The following C8orf74 variants were observed in gnomAD, a reference collection of about 807,000 sequenced individuals.
The protein encoded by C8orf74 is uncharacterized protein C8orf74.
C8orf74 carries 29 observed loss-of-function variants against 22.2 expected under a neutral mutation model. That is an observed-to-expected ratio of 1.31 (90% CI 0.97 to 1.78). The LOEUF is 1.78. C8orf74 is among the 40% of genes most tolerant of loss of function. The pLI is 0.00. For synonymous variants in C8orf74, 255 were observed against 163.1 expected (o/e 1.56, Z -4.30); for missense variants, 515 against 369.9 (o/e 1.39, Z -3.22).
chr8:10,679,546 C>G (rs942992182), intron 2 of C8orf74, among the ~76,000 whole-genome samples: 1 of 152,206 alleles, frequency 6.6e-6, no homozygotes, highest in African/African-American at 2.4e-5. Context: ...ATCCTCCATT[C>G]TCTCCTGTGC....
At chr8:10,691,105 T>A (rs2129058157) in intron 2 of C8orf74, 2 of 364,500 alleles carry the variant, frequency 5.5e-6, no homozygotes, top group African/African-American at 2.1e-5. Context: ...TAAGCCGGCT[T>A]CCAACAAGCT....
chr8:10,676,993 G>T (rs145248141), intron 2 of C8orf74, among the ~76,000 whole-genome samples: 2 of 152,158 alleles, frequency 1.3e-5, no homozygotes, highest in African/African-American at 2.4e-5. Context: ...AGATTAGGGC[G>T]CTCTGGAGCT....
At chr8:10,676,502 C>A (rs1383364915) in intron 2 of C8orf74, among the ~76,000 whole-genome samples, 1 of 152,178 alleles carries the variant, frequency 6.6e-6, no homozygotes, top group Non-Finnish European at 1.5e-5. Flanking sequence ...CAGAATGTCC[C>A]ACGGCACCTC....
chr8:10,696,214 G>C (rs1799493923), intron 2 of C8orf74, among the ~76,000 whole-genome samples: 2 of 151,996 alleles, frequency 1.3e-5, no homozygotes, highest in African/African-American at 4.8e-5. Flanking sequence ...GCACCTGAAA[G>C]AGTCGTGAGC....
intron 2 of C8orf74, among the ~76,000 whole-genome samples, chr8:10,677,576 CCT>C (rs1799059578): frequency 6.6e-6 from 1 of 152,062 alleles, no homozygotes; most frequent in Non-Finnish European, 1.5e-5. Context: ...TACCACACCA[CCT>C]CTTTTTTTAT....
At chr8:10,674,911 G>T (rs1014475978) in intron 2 of C8orf74, 73 bp downstream of exon 2, 1 of 1,302,588 alleles carries the variant, frequency 7.7e-7, no homozygotes, top group Non-Finnish European at 1.1e-6. Context: ...CTCCCCTGCC[G>T]TCCACAGCCC....
chr8:10,693,194 A>G (rs1799420570), intron 2 of C8orf74, among the ~76,000 whole-genome samples: 1 of 152,274 alleles, frequency 6.6e-6, no homozygotes, highest in South Asian at 2.1e-4. Context: ...TCAGTCCCTC[A>G]GTGGGCCATG....
chr8:10,682,039 C>T (rs1049596406), intron 2 of C8orf74, among the ~76,000 whole-genome samples: 4 of 152,358 alleles, frequency 2.6e-5, no homozygotes, highest in African/African-American at 7.2e-5. Context: ...GCCATGCCCA[C>T]GGTCTGCCCG....
At chr8:10,674,591 T>A in intron 1 of C8orf74, 55 bp from the exon 2 acceptor site, 1 of 1,344,390 alleles carries the variant, frequency 7.4e-7, no homozygotes, top group Non-Finnish European at 9.9e-7. Flanking sequence ...AGCCCCTATA[T>A]CATGCCCTGC....
At chr8:10,699,708 C>A (rs1389606571) in intron 3 of C8orf74, among the ~76,000 whole-genome samples, 1 of 152,178 alleles carries the variant, frequency 6.6e-6, no homozygotes, top group African/African-American at 2.4e-5. Flanking sequence ...CTCTCTGAAG[C>A]AATTTCCCCT....
rs147047803 is a variant in C8orf74 at position 10,697,753 on chromosome 8, C to G, written c.396C>G (p.Asp132Glu). 4.1e-4 allele frequency: 663 copies of G among 1,614,078 alleles called. 4 individuals are homozygous for G. The African/African-American group carries it at 7.8e-3, about 19-fold the overall frequency. The change falls in exon 3 of 4, where the codon GAC becomes GAG. Residue 132 changes from aspartate to glutamate, a missense_variant. Transcript: ENST00000304519. The stretch of plus-strand genomic sequence containing the variant: ...TCTACCAGTATGTCCTGGGCCAGGA[C>G]CAGCAGGTCGACCTGACCGTTGCCC... Reference protein sequence around the residue: ...YKLYQYVLGQDQQVDLTVAHL... With the variant: ...YKLYQYVLGQEQQVDLTVAHL...
chr8:10,687,156 A>T, intron 2 of C8orf74: 2 of 456,206 alleles, frequency 4.4e-6, no homozygotes, highest in Non-Finnish European at 8.8e-6. Context: ...AATGACGGTG[A>T]CAATGGCATT....
chr8:10,682,943 G>A (rs1378791584), intron 2 of C8orf74, among the ~76,000 whole-genome samples: 2 of 152,264 alleles, frequency 1.3e-5, no homozygotes, highest in African/African-American at 4.8e-5. Flanking sequence ...AAGACACTGA[G>A]GTCTGGAGAG....
chr8:10,700,373 A>AAACCCCCCCC lies in C8orf74; in HGVS notation c.787_788insAACCCCCCCC (p.Thr263LysfsTer60). ...GAAGACTCTGAACCTCAACGCCCCC[A>AAACCCCCCCC]CCCCTATCCCGCCCCCCATCACCAG... On this transcript the variant is annotated frameshift_variant, in exon 4 of 4. Coordinates refer to ENST00000304519, the MANE Select transcript of C8orf74 (RefSeq NM_001040032.2). LOFTEE classifies it low-confidence loss of function (END_TRUNC). 1.3e-6 allele frequency: 1 copy of AAACCCCCCCC among 755,328 alleles called. No homozygotes were observed. The highest frequency in any genetic ancestry group is 2.1e-6 in the Non-Finnish European group (1 of 480,360). 46.8% of individuals were successfully genotyped at this position (755,328 alleles called of 1,614,324 possible).
chr8:10,700,324 C>T lies in C8orf74; in HGVS notation c.738C>T (p.Ala246=), dbSNP rs1052517891. 2 of 1,613,868 alleles carry T rather than the reference C, an allele frequency of 1.2e-6. No homozygotes were observed. The highest frequency in any genetic ancestry group is 1.7e-5 in the Admixed American group (1 of 60,016). ...AGCGCCAGATCCAGAACACATTCGCCATCTTGGACCTGAAGCTTCAGAAGA... is the reference window on the plus strand; with the variant it reads ...AGCGCCAGATCCAGAACACATTCGCTATCTTGGACCTGAAGCTTCAGAAGA... ...LLQRQIQNTF[A]ILDLKLQKKT... Residue 246 remains alanine, a synonymous_variant, in exon 4 of 4, where the codon GCC becomes GCT. Transcript: ENST00000304519.
At chr8:10,700,165 G>C in intron 3 of C8orf74, 70 bp from the exon 4 acceptor site, 1 of 984,696 alleles carries the variant, frequency 1.0e-6, no homozygotes, top group Non-Finnish European at 1.5e-6. Context: ...CCTGCAACAG[G>C]GGCTGAGTTG....
chr8:10,672,920 C>T (rs1156855855), intron 1 of C8orf74, among the ~76,000 whole-genome samples: 1 of 152,116 alleles, frequency 6.6e-6, no homozygotes, highest in African/African-American at 2.4e-5. Flanking sequence ...TTTTTCAAGC[C>T]ACATGCAGGC....
chr8:10,682,768 T>C (rs1799178862), intron 2 of C8orf74, among the ~76,000 whole-genome samples: 1 of 152,154 alleles, frequency 6.6e-6, no homozygotes, highest in Non-Finnish European at 1.5e-5. Context: ...CCGGTGACAG[T>C]AAGTAGGTCA....
chr8:10,683,792 C>A (rs1357037992), intron 2 of C8orf74, among the ~76,000 whole-genome samples: 1 of 152,228 alleles, frequency 6.6e-6, no homozygotes, highest in East Asian at 1.9e-4. Flanking sequence ...GCATCTGAGG[C>A]CCTCAGCTGT....
Sources: gnomAD v4.1 joint callset for allele counts (sites outside exome capture counted in the v4.1 genomes callset) on GRCh38, gnomAD v4.1.1 for gene constraint, MANE v1.5 for transcripts, NCBI Gene and HGNC (gene_info 2026-07-23, HGNC 2026-07-21) for gene names.